The following ZMYM6 variants were observed in gnomAD, a reference collection of about 807,000 sequenced individuals.
ZMYM6 encodes the protein zinc finger MYM-type containing 6, also known as zinc finger MYM-type protein 6.
ZMYM6 carries 90 observed loss-of-function variants against 134.0 expected under a neutral mutation model. The observed-to-expected ratio is 0.67, with a 90% CI of 0.57 to 0.80. ZMYM6 has a LOEUF of 0.80. ZMYM6 is among the 30% of genes least tolerant of loss of function. ZMYM6 has a pLI of 0.00. For synonymous variants in ZMYM6, 481 were observed against 524.1 expected, an observed-to-expected ratio of 0.92 and a Z score of 1.12; for missense variants, 1,362 against 1,533.9, an observed-to-expected ratio of 0.89 and a Z score of 1.87.
intron 14 of ZMYM6, among the ~76,000 whole-genome samples, chr1:34,995,528 T>C (rs901024773): frequency 2.0e-5 from 3 of 152,066 alleles, no homozygotes; most frequent in Admixed American, 2.0e-4. Flanking sequence ...AAAAATTATG[T>C]GAAGGTACTC....
At chr1:35,021,358 TG>T (rs1487664689) in intron 2 of ZMYM6, among the ~76,000 whole-genome samples, 3 of 152,102 alleles carry the variant, frequency 2.0e-5, no homozygotes, top group Non-Finnish European at 2.9e-5. Context: ...TTAGCCAGGC[TG>T]GTCTGGAACT....
chr1:35,004,744 C>T lies in ZMYM6; in HGVS notation c.1954+388G>A, dbSNP rs191368190. Among the ~76,000 whole-genome samples, 791 of 152,086 alleles carry T rather than the reference C, an allele frequency of 5.2e-3. 30 individuals are homozygous for T. Among genetic ancestry groups the T allele is most frequent in the Admixed American group, 0.04 (606 of 15,278 alleles). ...AGGGGGTGCATGTTCCCCTACATCA[C>T]GTAAAGAAAGATATTACCAGTAAGA... On this transcript the variant is annotated intron_variant, in intron 13 of 15. Transcript: ENST00000357182.
chr1:35,006,086 T>TA lies in ZMYM6; in HGVS notation c.1814-815dup, dbSNP rs1346526658. 5.3e-5 allele frequency among the ~76,000 whole-genome samples: 8 copies of TA among 152,330 alleles called. No individual in the cohort carries two copies. The East Asian group carries it at 1.4e-3, about 26-fold the overall frequency. On this transcript the variant is annotated intron_variant, in intron 12 of 15. Coordinates refer to ENST00000357182, the MANE Select transcript of ZMYM6 (RefSeq NM_007167.4). The stretch of plus-strand genomic sequence containing the variant: ...GCCATGGCATGATCTCGGCTCACTG[T>TA]AACCTCCATCTCTTGGGTTCCAGTA...
At chr1:35,028,508 A>AT (rs971926952) in intron 2 of ZMYM6, among the ~76,000 whole-genome samples, 20 of 150,352 alleles carry the variant, frequency 1.3e-4, no homozygotes, top group Middle Eastern at 6.8e-3. Flanking sequence ...ATTTTATTTT[A>AT]TTTTTTTTTG....
Position 34,986,792 on chromosome 1 carries a change from C to A in ZMYM6, c.*312G>T, listed in dbSNP as rs1337293083. 2 of 171,230 alleles carry A rather than the reference C, an allele frequency of 1.2e-5. No homozygotes were observed. Among genetic ancestry groups the A allele is most frequent in the Non-Finnish European group, 2.5e-5 (2 of 81,338 alleles). The allele number at this position is 171,230 out of a possible 1,614,324, so 10.6% of individuals were successfully genotyped here. On this transcript the variant is annotated 3_prime_UTR_variant, in exon 16 of 16. Transcript: ENST00000357182. ...TTGGCTAGAAGACTGAAATGTTCCACTTGCTTCTAAAGGCCAAGCTGTTTC... is the reference window on the plus strand; with the variant it reads ...TTGGCTAGAAGACTGAAATGTTCCAATTGCTTCTAAAGGCCAAGCTGTTTC...
At chr1:35,022,630 A>G (rs1641330991) in intron 2 of ZMYM6, among the ~76,000 whole-genome samples, 1 of 152,208 alleles carries the variant, frequency 6.6e-6, no homozygotes, top group Non-Finnish European at 1.5e-5. Flanking sequence ...AATTACTACA[A>G]TGAATTCAAA....
chr1:35,029,259 T>C (rs925422382), intron 2 of ZMYM6, among the ~76,000 whole-genome samples: 1 of 152,224 alleles, frequency 6.6e-6, no homozygotes, highest in African/African-American at 2.4e-5. Flanking sequence ...TGCTACGTCC[T>C]ACATAATCCA....
chr1:35,005,305 A>G (rs780581534), intron 12 of ZMYM6, 33 bp from the exon 13 acceptor site: 1 of 1,606,642 alleles, frequency 6.2e-7, no homozygotes, highest in Non-Finnish European at 8.5e-7. Context: ...ATCTGGAATA[A>G]GCAAAAGGGT....
Position 34,988,680 on chromosome 1 carries a change from A to G in ZMYM6, c.2402T>C (p.Val801Ala). 6.5e-7 allele frequency: 1 copy of G among 1,548,312 alleles called. No individual in the cohort carries two copies. The change falls in exon 16 of 16, where the codon GTA becomes GCA. Residue 801 changes from valine to alanine, a missense_variant. By Grantham distance (64) the Val-to-Ala change is moderately conservative. Transcript: ENST00000357182. ...TAAAGATTTTTGTTCAAAAAAATCT[A>G]CTGGTTTGTTTTCTAATTCTGAATG... is the stretch of plus-strand genomic sequence containing the variant. ...TKHSELENKP[V>A]DFFEQKSLEM... is the part of the protein sequence containing the mutation.
chr1:35,013,526 G>A, intron 6 of ZMYM6: 8 of 985,352 alleles, frequency 8.1e-6, no homozygotes, highest in Non-Finnish European at 9.6e-6. Flanking sequence ...TCCTGTGAAA[G>A]TAGAACCAGA....
chr1:35,019,777 G>C (rs1036946477), intron 3 of ZMYM6, among the ~76,000 whole-genome samples, 175 bp from the exon 4 acceptor site: 2 of 151,896 alleles, frequency 1.3e-5, no homozygotes, highest in Non-Finnish European at 2.9e-5. Context: ...GGATTAACCA[G>C]TCCTCCCGCC....
chr1:35,011,136 C>A, intron 8 of ZMYM6, 100 bp from the exon 9 acceptor site: 2 of 1,303,734 alleles, frequency 1.5e-6, no homozygotes, highest in Non-Finnish European at 2.1e-6. Context: ...CTCCCACAAA[C>A]ATTTTTTAAA....
chr1:34,989,528 GACT>G (rs1640631947), intron 15 of ZMYM6: 1 of 151,804 alleles, frequency 6.6e-6, no homozygotes, highest in African/African-American at 2.4e-5. Flanking sequence ...GCACTCTTGA[GACT>G]ACGTCTCAAA....
At chr1:35,019,737 A>G in intron 3 of ZMYM6, 135 bp from the exon 4 acceptor site, 1 of 1,088,920 alleles carries the variant, frequency 9.2e-7, no homozygotes, top group Non-Finnish European at 1.3e-6. Context: ...CAGTGGTGCA[A>G]TCAAGGCTCA....
intron 11 of ZMYM6, among the ~76,000 whole-genome samples, 197 bp downstream of exon 11, chr1:35,008,555 A>C (rs1233436038): frequency 6.6e-6 from 1 of 152,182 alleles, no homozygotes; most frequent in Non-Finnish European, 1.5e-5. Context: ...AACCAACAAC[A>C]AAGTCTGCAG....
At chr1:34,989,354 A>C in intron 15 of ZMYM6, 4 of 541,606 alleles carry the variant, frequency 7.4e-6, no homozygotes, top group Non-Finnish European at 9.3e-6. Flanking sequence ...CCCGGGCAAC[A>C]TGGCGAAACT....
At chr1:35,031,218 C>T (rs1641517331) in intron 1 of ZMYM6, 1 of 152,328 alleles carries the variant, frequency 6.6e-6, no homozygotes, top group African/African-American at 2.4e-5. Context: ...AGATGCCATC[C>T]ATCGCAGGCG....
chr1:35,012,070 A>G, intron 7 of ZMYM6, 65 bp from the exon 8 acceptor site: 1 of 989,774 alleles, frequency 1.0e-6, no homozygotes, highest in Non-Finnish European at 1.5e-6. Flanking sequence ...ACAAAAATGT[A>G]TTGGGAGAAT....
intron 2 of ZMYM6, chr1:35,030,319 C>A (rs1489359365): frequency 8.1e-6 from 4 of 496,316 alleles, no homozygotes; most frequent in African/African-American, 6.0e-5. Context: ...GTGGTCCCAG[C>A]TACACAGGAG....
Sources: allele counts gnomAD v4.1 joint callset (sites outside exome capture counted in the v4.1 genomes callset), GRCh38; gene constraint gnomAD v4.1.1; transcripts MANE v1.5; gene names NCBI Gene and HGNC (gene_info 2026-07-23, HGNC 2026-07-21).